The following CECR2 variants were observed in gnomAD, a reference collection of about 807,000 sequenced individuals.
The protein encoded by CECR2 is chromatin remodeling regulator CECR2.
In CECR2, 30 loss-of-function variants were observed where a neutral mutation model predicts 154.5. The ratio of observed to expected loss-of-function variants is 0.19; its 90% CI spans 0.15 to 0.26. The LOEUF (loss-of-function observed/expected upper bound fraction) is 0.26. Among genes scored for constraint, CECR2 ranks in the 10% least tolerant of loss-of-function variants. The probability of loss-of-function intolerance (pLI) is 1.00; values close to 1 mark genes in which losing one functional copy is unlikely to be tolerated. For synonymous variants in CECR2, 725 were observed against 683.7 expected (o/e 1.06, Z -0.94); for missense variants, 1,743 against 1,829.3 (o/e 0.95, Z 0.86).
At position 17,554,633 on chromosome 22, in the gene CECR2, G is replaced by T. The variant is rs554022304; in HGVS notation, c.*1793G>T. 9.7e-4 allele frequency: 148 copies of T among 152,310 alleles called. No homozygotes were observed. Among genetic ancestry groups the T allele is most frequent in the African/African-American group, 3.4e-3 (140 of 41,564 alleles). The allele number at this position is 152,310 out of a possible 1,614,324, so 9.4% of individuals were successfully genotyped here. On this transcript the variant is annotated 3_prime_UTR_variant, in exon 19 of 19. Transcript: ENST00000262608. ...TGAGAGTTGAGTAGGGAACACAGGTGCCTCTAAGGTATAATGCACAAAAAT... is the reference window on the plus strand; with the variant it reads ...TGAGAGTTGAGTAGGGAACACAGGTTCCTCTAAGGTATAATGCACAAAAAT...
chr22:17,480,448 A>ACACG (rs1230644253), intron 2 of CECR2, among the ~76,000 whole-genome samples: 1 of 148,604 alleles, frequency 6.7e-6, no homozygotes, highest in Non-Finnish European at 1.5e-5. Flanking sequence ...ACACACACAC[A>ACACG]CACACACACA....
At chr22:17,383,657 C>CTTT (rs57665657) in intron 1 of CECR2, among the ~76,000 whole-genome samples, 4,714 of 104,254 alleles carry the variant, frequency 0.045, 630 homozygotes, top group African/African-American at 0.17. Context: ...TTCAGGTCCA[C>CTTT]TTTTTTTTTT....
intron 8 of CECR2, among the ~76,000 whole-genome samples, chr22:17,515,921 C>G (rs978721256): frequency 2.0e-5 from 3 of 151,822 alleles, no homozygotes; most frequent in Non-Finnish European, 4.4e-5. Context: ...GTGATCCACC[C>G]GCCTTAGCCT....
At chr22:17,529,581 TC>T (rs199702557) in intron 9 of CECR2, among the ~76,000 whole-genome samples, 5,730 of 151,852 alleles carry the variant, frequency 0.038, 218 homozygotes, top group African/African-American at 0.095. Flanking sequence ...ATGCCTGTAG[TC>T]CCAGCTACTC....
intron 10 of CECR2, among the ~76,000 whole-genome samples, chr22:17,537,992 C>CAAA (rs1339847156): frequency 1.0e-5 from 1 of 99,570 alleles, no homozygotes; most frequent in African/African-American, 3.7e-5. Flanking sequence ...AGACTCCGTC[C>CAAA]AAAAAAAAAA....
At chr22:17,370,915 C>G (rs2063052989) in intron 1 of CECR2, among the ~76,000 whole-genome samples, 1 of 152,160 alleles carries the variant, frequency 6.6e-6, no homozygotes, top group Admixed American at 6.5e-5. Context: ...TCACCTTTTG[C>G]CTTTGGACAA....
intron 1 of CECR2, among the ~76,000 whole-genome samples, chr22:17,403,846 A>G (rs2053933232): frequency 6.6e-6 from 1 of 152,132 alleles, no homozygotes; most frequent in Non-Finnish European, 1.5e-5. Context: ...TTTTAGATTT[A>G]CCATTTAAGT....
rs774256134 is a variant in CECR2, at chr22:17,541,934, G to A, written c.1980G>A (p.Glu660=). ...GAGTCCCGGAGCCACACCCCGGGGAGCCTGTGCAGCAGCGTCAGCCTTTCA... is the reference window on the plus strand; with the variant it reads ...GAGTCCCGGAGCCACACCCCGGGGAACCTGTGCAGCAGCGTCAGCCTTTCA... ...SSGVPEPHPG[E]PVQQRQPFTM... Residue 660 remains glutamate (E), a synonymous_variant, in exon 15 of 19, where the codon GAG becomes GAA. Transcript: ENST00000262608. 1.2e-5 allele frequency: 20 copies of A among 1,613,980 alleles called. No homozygotes were observed. Among genetic ancestry groups the A allele is most frequent in the Non-Finnish European group, 1.6e-5 (19 of 1,179,868 alleles).
intron 16 of CECR2, among the ~76,000 whole-genome samples, chr22:17,545,231 C>T (rs1005779536): frequency 6.0e-5 from 9 of 151,140 alleles, no homozygotes; most frequent in East Asian, 2.0e-4. Flanking sequence ...AAAAATTAGC[C>T]GGACGTGATG....
intron 1 of CECR2, among the ~76,000 whole-genome samples, chr22:17,454,604 C>CAAA (rs533818885): frequency 0.014 from 1,270 of 88,466 alleles, 23 homozygotes; most frequent in African/African-American, 0.043. Context: ...GACTCCGTCT[C>CAAA]AAAAAAAAAA....
At chr22:17,405,235 C>A (rs2053963212) in intron 1 of CECR2, among the ~76,000 whole-genome samples, 1 of 151,966 alleles carries the variant, frequency 6.6e-6, no homozygotes, top group African/African-American at 2.4e-5. Context: ...CATAGTGAAA[C>A]CTTGTCTCTA....
intron 6 of CECR2, among the ~76,000 whole-genome samples, chr22:17,504,632 G>A (rs1360684324): frequency 2.0e-5 from 3 of 148,694 alleles, no homozygotes; most frequent in Non-Finnish European, 3.0e-5. Flanking sequence ...TAGTAGAGAC[G>A]GGGTTTCACC....
In CECR2 at chr22:17,541,931, G is replaced by A; in HGVS notation, c.1977G>A (p.Gly659=). The change falls in exon 15 of 19, where the codon GGG becomes GGA. Residue 659 remains glycine, a synonymous_variant. Coordinates refer to ENST00000262608, the MANE Select transcript of CECR2 (RefSeq NM_001290047.2). ...GSSGVPEPHP[G]EPVQQRQPFT... is the part of the protein sequence containing the mutation. ...CTGGAGTCCCGGAGCCACACCCCGG[G>A]GAGCCTGTGCAGCAGCGTCAGCCTT... 3 of 1,614,008 alleles carry A rather than the reference G, an allele frequency of 1.9e-6. No individual in the cohort carries two copies. The highest frequency in any genetic ancestry group is 2.5e-6 in the Non-Finnish European group (3 of 1,179,884).
At chr22:17,433,298 T>G (rs1447434766) in intron 1 of CECR2, among the ~76,000 whole-genome samples, 1 of 152,232 alleles carries the variant, frequency 6.6e-6, no homozygotes, top group African/African-American at 2.4e-5. Flanking sequence ...ATACCCAGTT[T>G]GGGGAAAGTT....
chr22:17,488,028 C>CCCA lies in CECR2; in HGVS notation c.222-9371_222-9369dup, dbSNP rs553905553. 1.3e-3 allele frequency among the ~76,000 whole-genome samples: 203 copies of CCCA among 152,124 alleles called. 1 individual carries two copies. The highest frequency in any genetic ancestry group is 2.2e-3 in the Non-Finnish European group (150 of 68,012). ...CTCCCAAGTAGCTGGGATTAAGGCA[C>CCCA]CCACCATCATGCCCGGCTAATTTTT... On this transcript the variant is annotated intron_variant, in intron 2 of 18. Coordinates refer to ENST00000262608, the MANE Select transcript of CECR2 (RefSeq NM_001290047.2).
intron 1 of CECR2, among the ~76,000 whole-genome samples, chr22:17,476,325 C>CACGATCTCATTTCACT (rs1181823414): frequency 4.6e-5 from 7 of 151,884 alleles, no homozygotes; most frequent in African/African-American, 1.7e-4. Flanking sequence ...AGTACGCTGG[C>CACGATCTCATTTCACT]ACGATCTCAT....
chr22:17,415,369 CTGGGATCACAGACAGGGGCG>C, intron 1 of CECR2, among the ~76,000 whole-genome samples: 1 of 152,228 alleles, frequency 6.6e-6, no homozygotes, highest in Non-Finnish European at 1.5e-5. Context: ...TCCCAAGTAG[CTGGGATCACAGACAGGGGCG>C]CGCCACCGTG....
At chr22:17,383,951 G>A (rs2063230413) in intron 1 of CECR2, among the ~76,000 whole-genome samples, 1 of 152,086 alleles carries the variant, frequency 6.6e-6, no homozygotes, top group Non-Finnish European at 1.5e-5. Context: ...GGGATTACAG[G>A]TGTGAGCTAC....
intron 7 of CECR2, among the ~76,000 whole-genome samples, chr22:17,511,155 C>T (rs2055943629): frequency 6.6e-6 from 1 of 152,174 alleles, no homozygotes; most frequent in Admixed American, 6.5e-5. Context: ...GTTGGTGATG[C>T]CATGGGGCTC....
Sources: allele counts gnomAD v4.1 joint callset (sites outside exome capture counted in the v4.1 genomes callset), GRCh38; gene constraint gnomAD v4.1.1; transcripts MANE v1.5; gene names NCBI Gene and HGNC (gene_info 2026-07-23, HGNC 2026-07-21).